Variants in NXPE2 observed in about 807,000 individuals in gnomAD.
The protein encoded by NXPE2 is NXPE family member 2.
In NXPE2, 34 loss-of-function variants were observed where a neutral mutation model predicts 34.4. That is an observed-to-expected ratio of 0.99 (90% CI 0.75 to 1.31). NXPE2 has a LOEUF of 1.31. NXPE2 is among the 40% of genes most tolerant of loss of function. NXPE2 has a pLI of 0.00. For missense variants in NXPE2, 649 were observed against 672.5 expected (o/e 0.97, Z 0.39); for synonymous variants, 235 against 231.3 (o/e 1.02, Z -0.15).
At chr11:114,751,300 C>T in the NXPE2 span, among the ~76,000 whole-genome samples, 1 of 152,190 alleles carries the variant, frequency 6.6e-6, no homozygotes, top group Non-Finnish European at 1.5e-5. Flanking sequence ...ACTACTTCTA[C>T]AATACACCAT....
At chr11:114,754,368 T>TGGTACTG in the NXPE2 span, among the ~76,000 whole-genome samples, 1 of 152,256 alleles carries the variant, frequency 6.6e-6, no homozygotes, top group Non-Finnish European at 1.5e-5. Context: ...ATGGAGGCTA[T>TGGTACTG]GGTACTGTGC....
At chr11:114,493,962 T>C in the NXPE2 span, among the ~76,000 whole-genome samples, 2 of 152,174 alleles carry the variant, frequency 1.3e-5, no homozygotes, top group Non-Finnish European at 2.9e-5. Context: ...AAGGATTTTT[T>C]TGCTGGATAT....
chr11:114,542,214 C>A, the NXPE2 span, among the ~76,000 whole-genome samples: 1 of 151,890 alleles, frequency 6.6e-6, no homozygotes, highest in Non-Finnish European at 1.5e-5. Context: ...AATATTTTGT[C>A]AAAATTTGTA....
the NXPE2 span, among the ~76,000 whole-genome samples, chr11:114,807,305 A>G: frequency 2.0e-5 from 3 of 152,318 alleles, no homozygotes; most frequent in African/African-American, 7.2e-5. Flanking sequence ...ATAACAAGCT[A>G]ACATCATAAT....
At chr11:114,588,273 A>T in the NXPE2 span, among the ~76,000 whole-genome samples, 1 of 152,112 alleles carries the variant, frequency 6.6e-6, no homozygotes, top group Non-Finnish European at 1.5e-5. Flanking sequence ...TCTTATCCTT[A>T]CAGGAAATGC....
the NXPE2 span, among the ~76,000 whole-genome samples, chr11:114,576,311 G>T: frequency 6.6e-6 from 1 of 151,602 alleles, no homozygotes; most frequent in Admixed American, 6.6e-5. Context: ...TATGACCAAG[G>T]ACCCAAAAGC....
At chr11:114,650,182 T>C in the NXPE2 span, among the ~76,000 whole-genome samples, 1 of 152,164 alleles carries the variant, frequency 6.6e-6, no homozygotes, top group Admixed American at 6.5e-5. Flanking sequence ...ACAAGCCCTT[T>C]CAGGGAGAGA....
chr11:114,699,369 A>G (rs1951322863), intron 3 of NXPE2, among the ~76,000 whole-genome samples: 1 of 152,122 alleles, frequency 6.6e-6, no homozygotes, highest in Admixed American at 6.6e-5. Context: ...CACCTAGACT[A>G]ATGTTTTTGA....
At chr11:114,667,508 A>C in the NXPE2 span, among the ~76,000 whole-genome samples, 1 of 152,088 alleles carries the variant, frequency 6.6e-6, no homozygotes, top group Non-Finnish European at 1.5e-5. Context: ...CTTGAGTAAT[A>C]ATGGATTTGT....
At chr11:114,490,028 G>A in the NXPE2 span, among the ~76,000 whole-genome samples, 1 of 152,158 alleles carries the variant, frequency 6.6e-6, no homozygotes. Context: ...CAAAATCAAT[G>A]TGCAAAAATC....
At chr11:114,469,604 C>T in the NXPE2 span, among the ~76,000 whole-genome samples, 2 of 151,876 alleles carry the variant, frequency 1.3e-5, no homozygotes, top group African/African-American at 2.4e-5. Flanking sequence ...ATTCTCTTGC[C>T]TCAGCCTCCT....
the NXPE2 span, among the ~76,000 whole-genome samples, chr11:114,479,286 C>T: frequency 1.3e-5 from 2 of 151,952 alleles, no homozygotes; most frequent in Non-Finnish European, 1.5e-5. Flanking sequence ...GGATTTGATT[C>T]GATTGATGGA....
the NXPE2 span, among the ~76,000 whole-genome samples, chr11:114,724,433 ATAGCCAG>A: frequency 1.6e-4 from 25 of 152,178 alleles, no homozygotes; most frequent in African/African-American, 6.0e-4. Flanking sequence ...GAGTAATGTA[ATAGCCAG>A]TAGCCAGTGT....
chr11:114,586,969 C>T, the NXPE2 span, among the ~76,000 whole-genome samples: 6 of 152,266 alleles, frequency 3.9e-5, no homozygotes, highest in African/African-American at 9.6e-5. Context: ...CCCCACACCC[C>T]CTGTGAACAT....
chr11:114,583,029 G>T, the NXPE2 span: 1 of 1,597,998 alleles, frequency 6.3e-7, no homozygotes. Context: ...AACCTGAAAT[G>T]ACAGCAAATG....
At chr11:114,601,977 T>A in the NXPE2 span, among the ~76,000 whole-genome samples, 1 of 87,852 alleles carries the variant, frequency 1.1e-5, no homozygotes, top group Non-Finnish European at 1.9e-5. Flanking sequence ...ATATATTCTG[T>A]TATATATAAT....
At chr11:114,764,001 T>C in the NXPE2 span, among the ~76,000 whole-genome samples, 1 of 152,170 alleles carries the variant, frequency 6.6e-6, no homozygotes, top group African/African-American at 2.4e-5. Flanking sequence ...ATCACCACCA[T>C]GTCATATTTA....
the NXPE2 span, among the ~76,000 whole-genome samples, chr11:114,804,112 C>A: frequency 6.6e-6 from 1 of 152,252 alleles, no homozygotes; most frequent in Non-Finnish European, 1.5e-5. Flanking sequence ...CACCTGACTG[C>A]AGTCTGCAGC....
chr11:114,581,107 TTTC>T, the NXPE2 span, among the ~76,000 whole-genome samples: 1 of 152,228 alleles, frequency 6.6e-6, no homozygotes, highest in African/African-American at 2.4e-5. Context: ...CAAGGCTTTC[TTTC>T]TTTTTTTATG....
Sources: gnomAD v4.1 joint callset for allele counts (sites outside exome capture counted in the v4.1 genomes callset) on GRCh38, gnomAD v4.1.1 for gene constraint, MANE v1.5 for transcripts, NCBI Gene and HGNC (gene_info 2026-07-23, HGNC 2026-07-21) for gene names.